The following BCAS3 variants were observed in gnomAD, a reference collection of about 807,000 sequenced individuals.
BCAS3 encodes BCAS4/BCAS3 fusion.
In BCAS3, 53 loss-of-function variants were observed where a neutral mutation model predicts 116.1. The ratio of observed to expected loss-of-function variants is 0.46; its 90% CI spans 0.37 to 0.57. The LOEUF (loss-of-function observed/expected upper bound fraction) is 0.57, where lower values mean the gene tolerates loss of function less well. BCAS3 is among the 20% of genes least tolerant of loss of function. The pLI is 0.00. For synonymous variants in BCAS3, 391 were observed against 408.2 expected (o/e 0.96, Z 0.51); for missense variants, 917 against 1,165.4 (o/e 0.79, Z 3.10).
rs1044491901 is a variant in BCAS3, at chr17:61,249,283, A to G, written c.2426-119044A>G. ...GCCTGGGCAACAAGAGTGAAACTCC[A>G]TCTCAAAAATAAATAAATAAAATAA... On this transcript the variant is annotated intron_variant, in intron 22 of 23. Transcript: ENST00000407086. The surrounding 1 kb of genome is among the most constrained non-coding windows in gnomAD (Gnocchi z 6.2). Among the ~76,000 whole-genome samples, 1 of 152,196 alleles carries G rather than the reference A, an allele frequency of 6.6e-6. No individual in the cohort carries two copies. Among genetic ancestry groups the G allele is most frequent in the Non-Finnish European group, 1.5e-5 (1 of 68,038 alleles).
Position 61,136,303 on chromosome 17 carries a change from C to T in BCAS3, c.2425+51739C>T, listed in dbSNP as rs1020245360. On this transcript the variant is annotated intron_variant, in intron 22 of 23. Transcript: ENST00000407086. The surrounding 1 kb of genome is among the most constrained non-coding windows in gnomAD (Gnocchi z 4.4). Reference sequence around the variant, plus strand: ...CATCTTGGACATAGCTTTGTTTCCACCTTGCATTCACCCACTAGACAGTAA... The same window carrying T: ...CATCTTGGACATAGCTTTGTTTCCATCTTGCATTCACCCACTAGACAGTAA... Among the ~76,000 whole-genome samples, 1 of 152,204 alleles carries T rather than the reference C, an allele frequency of 6.6e-6. No homozygotes were observed. The highest frequency in any genetic ancestry group is 1.5e-5 in the Non-Finnish European group (1 of 68,044).
At position 60,737,987 on chromosome 17, in the gene BCAS3, AT is replaced by A. The variant is rs536097300; in HGVS notation, c.322-9210del. On this transcript the variant is annotated intron_variant, in intron 5 of 23. Coordinates refer to ENST00000407086, the MANE Select transcript of BCAS3 (RefSeq NM_017679.5). The stretch of plus-strand genomic sequence containing the variant: ...TTTTTAGTAGAGATGGGGTTTCACC[AT>A]GTTGGCCAGGCTGGTCTCAAACTCC... Among the ~76,000 whole-genome samples the A allele has an allele frequency of 1.1e-4, 16 of 152,164 alleles. No homozygotes were observed. The East Asian group carries it at 3.1e-3, about 29-fold the overall frequency.
chr17:61,089,822 G>A lies in BCAS3; in HGVS notation c.2425+5258G>A, dbSNP rs117598987. Among the ~76,000 whole-genome samples the A allele has an allele frequency of 8.4e-4, 128 of 152,070 alleles. 1 individual carries two copies. In the East Asian group the frequency reaches 8.7e-3, roughly 10 times the overall value. On this transcript the variant is annotated intron_variant, in intron 22 of 23. Transcript: ENST00000407086. ...GCTGGGATTACAGGCATGAACCACC[G>A]CGCCCAACCTGGGGGAAGAGTATTC...
At chr17:61,164,289 A>G (rs982718570) in intron 22 of BCAS3, among the ~76,000 whole-genome samples, 1 of 152,184 alleles carries the variant, frequency 6.6e-6, no homozygotes, top group African/African-American at 2.4e-5. Flanking sequence ...TATGGTTTCA[A>G]TATGTCCCCA....
chr17:60,941,838 C>T (rs1453646029), intron 13 of BCAS3, among the ~76,000 whole-genome samples: 1 of 152,024 alleles, frequency 6.6e-6, no homozygotes, highest in Non-Finnish European at 1.5e-5. Flanking sequence ...CAAATGAGGA[C>T]CTTTATTTGA....
chr17:60,773,547 C>T (rs2044963267), intron 6 of BCAS3, among the ~76,000 whole-genome samples: 1 of 152,102 alleles, frequency 6.6e-6, no homozygotes, highest in African/African-American at 2.4e-5. Context: ...CCTATCTCAG[C>T]CTCACAAAGT....
At chr17:60,696,763 T>G (rs1258828076) in intron 4 of BCAS3, among the ~76,000 whole-genome samples, 2 of 152,224 alleles carry the variant, frequency 1.3e-5, no homozygotes, top group East Asian at 3.8e-4. Context: ...AGCTGTGCAC[T>G]GACCCTATTT....
chr17:60,791,160 T>G (rs1598741352), intron 6 of BCAS3, among the ~76,000 whole-genome samples: 1 of 152,150 alleles, frequency 6.6e-6, no homozygotes, highest in African/African-American at 2.4e-5. Context: ...GGCTCAAACC[T>G]CCGGTGTAGA....
intron 22 of BCAS3, among the ~76,000 whole-genome samples, chr17:61,154,521 G>C (rs889765962): frequency 2.0e-5 from 3 of 151,146 alleles, no homozygotes; most frequent in African/African-American, 4.9e-5. Context: ...CTGCAGCCTA[G>C]ACCTCTTGGG....
At chr17:60,918,542 C>G (rs1371461586) in intron 12 of BCAS3, among the ~76,000 whole-genome samples, 1 of 152,122 alleles carries the variant, frequency 6.6e-6, no homozygotes, top group African/African-American at 2.4e-5. Flanking sequence ...TTCCTTTGAT[C>G]TGAGTGTACA....
intron 15 of BCAS3, among the ~76,000 whole-genome samples, chr17:60,992,188 T>A (rs1282750747): frequency 1.3e-5 from 1 of 78,952 alleles, no homozygotes; most frequent in Non-Finnish European, 2.3e-5. Flanking sequence ...ATCCGATGAC[T>A]TACACACACA....
intron 15 of BCAS3, among the ~76,000 whole-genome samples, chr17:60,991,585 A>T (rs922409708): frequency 6.6e-6 from 1 of 152,226 alleles, no homozygotes; most frequent in African/African-American, 2.4e-5. Context: ...GGGGAATCTT[A>T]TATAGAGAGA....
At chr17:61,018,836 C>T (rs1022381838) in intron 16 of BCAS3, among the ~76,000 whole-genome samples, 2 of 152,106 alleles carry the variant, frequency 1.3e-5, no homozygotes, top group Non-Finnish European at 1.5e-5. Flanking sequence ...AGACCTTGAA[C>T]GTACTTCATT....
At chr17:60,822,460 A>G (rs1442511836) in intron 7 of BCAS3, among the ~76,000 whole-genome samples, 1 of 152,228 alleles carries the variant, frequency 6.6e-6, no homozygotes, top group East Asian at 1.9e-4. Context: ...CAATTGCTAC[A>G]GACTTACCTC....
At chr17:61,331,916 G>C (rs1473163765) in intron 22 of BCAS3, among the ~76,000 whole-genome samples, 1 of 152,158 alleles carries the variant, frequency 6.6e-6, no homozygotes, top group African/African-American at 2.4e-5. Context: ...GCCCATAACT[G>C]AGCCCATGAT....
intron 22 of BCAS3, among the ~76,000 whole-genome samples, chr17:61,310,299 A>G (rs1239450406): frequency 6.6e-6 from 1 of 152,200 alleles, no homozygotes; most frequent in African/African-American, 2.4e-5. Context: ...CACGCCTGTA[A>G]TCCCAGCACT....
intron 16 of BCAS3, among the ~76,000 whole-genome samples, chr17:61,027,971 G>A (rs757921705): frequency 5.3e-5 from 8 of 151,936 alleles, no homozygotes; most frequent in African/African-American, 1.2e-4. Flanking sequence ...TAACCAGTGC[G>A]AAGTTTTGAG....
chr17:60,708,035 T>C (rs1433131127), intron 4 of BCAS3, among the ~76,000 whole-genome samples: 7 of 152,102 alleles, frequency 4.6e-5, no homozygotes, highest in Admixed American at 4.6e-4. Context: ...TTTAGAAAAG[T>C]GTGTAAGGCC....
intron 18 of BCAS3, among the ~76,000 whole-genome samples, chr17:61,038,759 C>G (rs1048319529): frequency 1.3e-5 from 2 of 149,444 alleles, no homozygotes; most frequent in African/African-American, 2.4e-5. Context: ...GCCTCCACCT[C>G]CCGTGTTCAA....
Sources: allele counts gnomAD v4.1 joint callset (sites outside exome capture counted in the v4.1 genomes callset), GRCh38; gene constraint gnomAD v4.1.1; non-coding constraint Gnocchi (gnomAD v3.1); transcripts MANE v1.5; gene names NCBI Gene and HGNC (gene_info 2026-07-23, HGNC 2026-07-21).